The following WNT7A variants were observed in gnomAD, a reference collection of about 807,000 sequenced individuals.
WNT7A encodes the protein protein Wnt-7a.
WNT7A carries 16 observed loss-of-function variants against 28.2 expected under a neutral mutation model. The ratio of observed to expected loss-of-function variants is 0.57; its 90% CI spans 0.38 to 0.86. WNT7A has a LOEUF of 0.86. Among genes scored for constraint, WNT7A ranks in the 40% least tolerant of loss-of-function variants. WNT7A has a pLI of 0.00. For missense variants in WNT7A, 411 were observed against 489.7 expected, an observed-to-expected ratio of 0.84 and a Z score of 1.52; for synonymous variants, 190 against 195.9, an observed-to-expected ratio of 0.97 and a Z score of 0.25.
intron 1 of WNT7A, among the ~76,000 whole-genome samples, chr3:13,878,639 G>A (rs1393093406): frequency 6.6e-6 from 1 of 152,142 alleles, no homozygotes; most frequent in Non-Finnish European, 1.5e-5. Context: ...GGGTAGGGGG[G>A]TAGTAGTGAC....
intron 3 of WNT7A, among the ~76,000 whole-genome samples, chr3:13,832,759 G>T (rs1265012570): frequency 1.3e-5 from 2 of 152,126 alleles, no homozygotes; most frequent in Non-Finnish European, 2.9e-5. Context: ...GACATGGAGG[G>T]GATGGCAGGG....
At position 13,880,023 on chromosome 3, in the gene WNT7A, C is replaced by T; in HGVS notation, c.-207G>A. 1.1e-5 allele frequency: 4 copies of T among 371,972 alleles called. No homozygotes were observed. Among genetic ancestry groups the T allele is most frequent in the Non-Finnish European group, 1.9e-5 (4 of 211,206 alleles). 23.0% of individuals were successfully genotyped at this position (371,972 alleles called of 1,614,324 possible). On this transcript the variant is annotated 5_prime_UTR_variant, in exon 1 of 4. Transcript: ENST00000285018. The stretch of plus-strand genomic sequence containing the variant: ...GCGGGAGGAGGGAGGGAGGAGCGAG[C>T]GCGGCGTGGGGCGACGCCGGGCTGC...
At chr3:13,836,200 TA>T (rs200750554) in intron 3 of WNT7A, among the ~76,000 whole-genome samples, 5,963 of 134,914 alleles carry the variant, frequency 0.044, 323 homozygotes, top group African/African-American at 0.14. Context: ...AGCTGGTTTT[TA>T]AAAAAAAAAA....
intron 2 of WNT7A, among the ~76,000 whole-genome samples, chr3:13,868,526 T>G (rs1384632529): frequency 3.0e-3 from 158 of 52,850 alleles, no homozygotes; most frequent in Non-Finnish European, 3.4e-3. Flanking sequence ...GAAAGAAAGG[T>G]GGGAGGGAGG....
chr3:13,830,551 C>T (rs1694265616), intron 3 of WNT7A, among the ~76,000 whole-genome samples: 1 of 152,190 alleles, frequency 6.6e-6, no homozygotes. Context: ...GAGCTGTGTC[C>T]CTCCTTGCCC....
At position 13,818,063 on chromosome 3, in the gene WNT7A, G is replaced by C. The variant is rs1266670346; in HGVS notation, c.*881C>G. 2 of 152,066 alleles carry C rather than the reference G, an allele frequency of 1.3e-5. No homozygotes were observed. Among genetic ancestry groups the C allele is most frequent in the Non-Finnish European group, 2.9e-5 (2 of 68,014 alleles). The allele number at this position is 152,066 out of a possible 1,614,324, so 9.4% of individuals were successfully genotyped here. A position where few individuals can be genotyped will look rare whatever the true frequency, so the allele number is the denominator to read the frequency against. On this transcript the variant is annotated 3_prime_UTR_variant, in exon 4 of 4. Transcript: ENST00000285018. The stretch of plus-strand genomic sequence containing the variant: ...CCTCCTTACCCCTAAGTGAGTACCA[G>C]AATTAAGAAGAAGCACAGGCCGTGG...
chr3:13,861,577 T>C (rs1694832057), intron 2 of WNT7A, among the ~76,000 whole-genome samples: 1 of 151,634 alleles, frequency 6.6e-6, no homozygotes, highest in African/African-American at 2.4e-5. Flanking sequence ...GTGCCTTGAG[T>C]GGGGAGGTCA....
rs148445880 is a variant in WNT7A at position 13,855,863 on chromosome 3, C to T, written c.299-1060G>A. ...GAACCCAGAGCAGGCAAAGGGGGGC[C>T]AGAGAAGGTGTTTCAGAATGCCAGG... On this transcript the variant is annotated intron_variant, in intron 2 of 3. Coordinates refer to ENST00000285018, the MANE Select transcript of WNT7A (RefSeq NM_004625.4). Among the ~76,000 whole-genome samples the T allele has an allele frequency of 2.0e-5, 3 of 152,256 alleles. No individual in the cohort carries two copies. In the East Asian group the frequency reaches 5.8e-4, roughly 29 times the overall value.
intron 1 of WNT7A, among the ~76,000 whole-genome samples, chr3:13,878,302 G>A (rs1307573576): frequency 2.0e-5 from 3 of 152,170 alleles, no homozygotes; most frequent in African/African-American, 2.4e-5. Flanking sequence ...TTAAAAAGGA[G>A]ATAAAGCCGC....
chr3:13,863,546 A>T (rs1694866516), intron 2 of WNT7A: 1 of 152,196 alleles, frequency 6.6e-6, no homozygotes, highest in South Asian at 2.1e-4. Context: ...GAGTCATCTC[A>T]GAGAATAGTG....
intron 3 of WNT7A, among the ~76,000 whole-genome samples, chr3:13,820,974 C>A (rs554823277): frequency 3.3e-5 from 5 of 152,334 alleles, no homozygotes; most frequent in Non-Finnish European, 5.9e-5. Flanking sequence ...AGGACCCCCC[C>A]ACACGCAGCC....
chr3:13,836,194 G>T (rs911821107), intron 3 of WNT7A, among the ~76,000 whole-genome samples: 1 of 132,502 alleles, frequency 7.5e-6, no homozygotes, highest in Non-Finnish European at 1.6e-5. Flanking sequence ...CAGTAAAGCT[G>T]GTTTTTAAAA....
chr3:13,861,342 C>A (rs933232931), intron 2 of WNT7A, among the ~76,000 whole-genome samples: 7 of 152,230 alleles, frequency 4.6e-5, no homozygotes, highest in African/African-American at 1.7e-4. Flanking sequence ...GCCTTCCCCT[C>A]CACCTCCCTG....
At chr3:13,842,205 C>T (rs1694470998) in intron 3 of WNT7A, among the ~76,000 whole-genome samples, 1 of 152,048 alleles carries the variant, frequency 6.6e-6, no homozygotes, top group African/African-American at 2.4e-5. Context: ...CCTGCAGGGG[C>T]CCAAGTTAGT....
chr3:13,856,953 GA>G (rs1559303336), intron 2 of WNT7A, among the ~76,000 whole-genome samples: 1 of 124,202 alleles, frequency 8.1e-6, no homozygotes, highest in African/African-American at 3.9e-5. Context: ...AGAAGAAGAA[GA>G]AGAAGAAGAA....
rs141796527 is a variant in WNT7A, at chr3:13,831,272, G to A, written c.571-11849C>T. 4.6e-5 allele frequency among the ~76,000 whole-genome samples: 7 copies of A among 152,254 alleles called. No homozygotes were observed. The East Asian group carries it at 1.4e-3, about 29-fold the overall frequency. On this transcript the variant is annotated intron_variant, in intron 3 of 3. Coordinates refer to ENST00000285018, the MANE Select transcript of WNT7A (RefSeq NM_004625.4). ...AAGCCGCTGCCTCCGAGGTAGCTGCGGTGTCCAGTGCCTGACACGAATGCA... is the reference window on the plus strand; with the variant it reads ...AAGCCGCTGCCTCCGAGGTAGCTGCAGTGTCCAGTGCCTGACACGAATGCA...
intron 2 of WNT7A, among the ~76,000 whole-genome samples, chr3:13,858,887 C>T (rs1269199878): frequency 2.0e-5 from 3 of 152,352 alleles, no homozygotes; most frequent in Non-Finnish European, 2.9e-5. Context: ...CACCCCCACA[C>T]TACCATGGAG....
chr3:13,843,018 G>A lies in WNT7A; in HGVS notation c.570+11514C>T, dbSNP rs1388066959. ...ACCTAGGTGGACATCACCTATTTTG[G>A]ATAAAGGAGGACCAGCGTGGCCTTG... On this transcript the variant is annotated intron_variant, in intron 3 of 3. Coordinates refer to ENST00000285018, the MANE Select transcript of WNT7A (RefSeq NM_004625.4). 1.3e-5 allele frequency among the ~76,000 whole-genome samples: 2 copies of A among 152,170 alleles called. 1 individual carries two copies. The highest frequency in any genetic ancestry group is 4.1e-4 in the South Asian group (2 of 4,828).
intron 2 of WNT7A, 51 bp from the exon 3 acceptor site, chr3:13,854,854 TG>T: frequency 6.2e-7 from 1 of 1,606,784 alleles, no homozygotes. Flanking sequence ...CCCAAGCATC[TG>T]AGAGGAGGCT....
Sources: gnomAD v4.1 joint callset for allele counts (sites outside exome capture counted in the v4.1 genomes callset) on GRCh38, gnomAD v4.1.1 for gene constraint, MANE v1.5 for transcripts, NCBI Gene and HGNC (gene_info 2026-07-23, HGNC 2026-07-21) for gene names.